ANKRD33: variants seen among roughly 807,000 people sequenced by gnomAD.
ANKRD33 encodes the protein ankyrin repeat domain 33, also known as photoreceptor ankyrin repeat protein.
In ANKRD33, 20 loss-of-function variants were observed where a neutral mutation model predicts 20.6. That is an observed-to-expected ratio of 0.97 (90% CI 0.68 to 1.41). ANKRD33 has a LOEUF of 1.41. Among genes scored for constraint, ANKRD33 ranks in the 40% most tolerant of loss-of-function variants. The probability of loss-of-function intolerance (pLI) is 0.00; values close to 1 mark genes in which losing one functional copy is unlikely to be tolerated. For missense variants in ANKRD33, 545 were observed against 579.6 expected (o/e 0.94, Z 0.61); for synonymous variants, 246 against 245.0 (o/e 1.00, Z -0.04).
chr12:51,891,488 G>C lies in ANKRD33; in HGVS notation c.*183G>C. 2 of 1,071,552 alleles carry C rather than the reference G, an allele frequency of 1.9e-6. No individual in the cohort carries two copies. Among genetic ancestry groups the C allele is most frequent in the Non-Finnish European group, 2.6e-6 (2 of 769,144 alleles). The allele number at this position is 1,071,552 out of a possible 1,614,324, so 66.4% of individuals were successfully genotyped here. A position where few individuals can be genotyped will look rare whatever the true frequency, so the allele number is the denominator to read the frequency against. On this transcript the variant is annotated 3_prime_UTR_variant, in exon 5 of 5. Coordinates refer to ENST00000301190, the MANE Select transcript of ANKRD33 (RefSeq NM_182608.4). Reference sequence around the variant, plus strand: ...CAAGAGTGAAAGAGTGGAAACACCCGAAGTGTCCATCAGTAAGGGACAGGC... The same window carrying C: ...CAAGAGTGAAAGAGTGGAAACACCCCAAGTGTCCATCAGTAAGGGACAGGC...
chr12:51,888,236 T>C lies in ANKRD33; in HGVS notation c.50T>C (p.Val17Ala). ...VTCVASWGGI[V>A]HLEAFGDPVI... ...TGCGTTGCTTCCTGGGGAGGGATAGTCCACCTGGAGGCATTCGGAGACCCA... is the reference window on the plus strand; with the variant it reads ...TGCGTTGCTTCCTGGGGAGGGATAGCCCACCTGGAGGCATTCGGAGACCCA... The change falls in exon 1 of 5, where the codon GTC (valine) becomes GCC (alanine). Residue 17 changes from valine to alanine, a missense_variant. Transcript: ENST00000301190. The C allele has an allele frequency of 3.7e-6, 6 of 1,614,168 alleles. No homozygotes were observed. Among genetic ancestry groups the C allele is most frequent in the Non-Finnish European group, 5.1e-6 (6 of 1,180,016 alleles).
chr12:51,890,040 G>A lies in ANKRD33; in HGVS notation c.638-544G>A, dbSNP rs561568143. On this transcript the variant is annotated intron_variant, in intron 4 of 4. Transcript: ENST00000301190. ...CCCCGCAGTGGGGCTGCCCTCTGCT[G>A]GTCACTCTGGGGGACCCCTGCCTCC... The A allele has an allele frequency of 1.3e-3, 321 of 239,130 alleles. 1 individual carries two copies. Among genetic ancestry groups the A allele is most frequent in the African/African-American group, 4.8e-3 (219 of 45,172 alleles). The allele number at this position is 239,130 out of a possible 1,614,324, so 14.8% of individuals were successfully genotyped here. A position where few individuals can be genotyped will look rare whatever the true frequency, so the allele number is the denominator to read the frequency against.
chr12:51,888,934 G>A (rs777039028), intron 2 of ANKRD33, 116 bp downstream of exon 2: 2 of 1,583,178 alleles, frequency 1.3e-6, no homozygotes, highest in South Asian at 2.3e-5. Flanking sequence ...GTCCTAAGGA[G>A]GAAGGGAATG....
intron 4 of ANKRD33, 140 bp from the exon 5 acceptor site, chr12:51,890,444 C>T (rs769344800): frequency 3.9e-6 from 6 of 1,532,776 alleles, no homozygotes; most frequent in East Asian, 2.4e-5. Context: ...CAACACTGGC[C>T]TCCCTGATTC....
At position 51,888,836 on chromosome 12, in the gene ANKRD33, C is replaced by T; in HGVS notation, c.396+18C>T. ...ATGGGAGGGTGAGATGTCCTGGCTTCCCAGAACAGCTGGGGGCATCTTTGC... is the reference window on the plus strand; with the variant it reads ...ATGGGAGGGTGAGATGTCCTGGCTTTCCAGAACAGCTGGGGGCATCTTTGC... On this transcript the variant is annotated intron_variant, in intron 2 of 4. Transcript: ENST00000301190. 1 of 1,611,270 alleles carries T rather than the reference C, an allele frequency of 6.2e-7. No homozygotes were observed. The highest frequency in any genetic ancestry group is 8.5e-7 in the Non-Finnish European group (1 of 1,179,734).
chr12:51,891,412 A>G lies in ANKRD33; in HGVS notation c.*107A>G. On this transcript the variant is annotated 3_prime_UTR_variant, in exon 5 of 5. Coordinates refer to ENST00000301190, the MANE Select transcript of ANKRD33 (RefSeq NM_182608.4). ...TCCCCATCCACCTCTGCCTAAGTAAATCTGCTCTCAACCTATATATATACA... is the reference window on the plus strand; with the variant it reads ...TCCCCATCCACCTCTGCCTAAGTAAGTCTGCTCTCAACCTATATATATACA... The G allele has an allele frequency of 1.4e-6, 2 of 1,449,186 alleles. No individual in the cohort carries two copies. Among genetic ancestry groups the G allele is most frequent in the Non-Finnish European group, 1.8e-6 (2 of 1,097,272 alleles). The allele number at this position is 1,449,186 out of a possible 1,614,324, so 89.8% of individuals were successfully genotyped here.
Position 51,888,730 on chromosome 12 carries a change from G to C in ANKRD33, c.308G>C (p.Cys103Ser), listed in dbSNP as rs759158427. ...AGGCTGGGGGCCCTGTATTGGGCCT[G>C]TGTCCACAATGATCCCACCCAGCTC... is the stretch of plus-strand genomic sequence containing the variant. ...GCRLGALYWA[C>S]VHNDPTQLQA... Residue 103 changes from cysteine (C) to serine (S), a missense_variant, in exon 2 of 5, where the codon TGT becomes TCT. Physicochemically the swap from Cys to Ser is moderately radical, Grantham distance 112. Coordinates refer to ENST00000301190, the MANE Select transcript of ANKRD33 (RefSeq NM_182608.4). 1 of 1,614,112 alleles carries C rather than the reference G, an allele frequency of 6.2e-7. No individual in the cohort carries two copies. The highest frequency in any genetic ancestry group is 1.1e-5 in the South Asian group (1 of 91,086).
rs779762422 is a variant in ANKRD33, at chr12:51,891,102, T to C, written c.1156T>C (p.Trp386Arg). The C allele has an allele frequency of 2.5e-6, 4 of 1,613,938 alleles. No homozygotes were observed. The highest frequency in any genetic ancestry group is 3.4e-6 in the Non-Finnish European group (4 of 1,180,032). The change falls in exon 5 of 5, where the codon TGG (tryptophan) becomes CGG (arginine). Residue 386 changes from tryptophan (W) to arginine (R), a missense_variant. Physicochemically the swap from Trp to Arg is moderately radical, Grantham distance 101. Coordinates refer to ENST00000301190, the MANE Select transcript of ANKRD33 (RefSeq NM_182608.4). ...GGGCATATTGAGCAAGTGCCTTCAG[T>C]GGCTACAACCCAGGGATAGCACCAG... ...PQGILSKCLQ[W>R]LQPRDSTSPR...
At position 51,889,422 on chromosome 12, in the gene ANKRD33, C is replaced by A; in HGVS notation, c.577C>A (p.Leu193Met). ...LLLNYYVGLD[L>M]ERRDQRGLTA... ...GCTCAACTACTATGTGGGCCTGGAC[C>A]TGGAACGCCGGGACCAGCGGGGGCT... Residue 193 changes from leucine to methionine, a missense_variant, in exon 4 of 5, where the codon CTG becomes ATG. Physicochemically the swap from Leu to Met is conservative, Grantham distance 15 (BLOSUM62 2). Coordinates refer to ENST00000301190, the MANE Select transcript of ANKRD33 (RefSeq NM_182608.4). The A allele has an allele frequency of 6.2e-7, 1 of 1,614,126 alleles. No individual in the cohort carries two copies. Among genetic ancestry groups the A allele is most frequent in the African/African-American group, 1.3e-5 (1 of 75,042 alleles).
At position 51,891,588 on chromosome 12, in the gene ANKRD33, G is replaced by A; in HGVS notation, c.*283G>A. On this transcript the variant is annotated 3_prime_UTR_variant, in exon 5 of 5. Coordinates refer to ENST00000301190, the MANE Select transcript of ANKRD33 (RefSeq NM_182608.4). ...ACAGTGTATTCTAAAATAAGACTAA[G>A]GAAGCTGTTTATATTCTGATATGAA... The A allele has an allele frequency of 2.2e-6, 1 of 456,296 alleles. No homozygotes were observed. Among genetic ancestry groups the A allele is most frequent in the East Asian group, 3.5e-5 (1 of 28,558 alleles). 28.3% of individuals were successfully genotyped at this position (456,296 alleles called of 1,614,324 possible). A position where few individuals can be genotyped will look rare whatever the true frequency, so the allele number is the denominator to read the frequency against.
chr12:51,890,441 G>T (rs1463956851), intron 4 of ANKRD33, 143 bp from the exon 5 acceptor site: 9 of 1,530,428 alleles, frequency 5.9e-6, no homozygotes, highest in African/African-American at 1.4e-5. Context: ...TTGCAACACT[G>T]GCCTCCCTGA....
intron 2 of ANKRD33, 80 bp from the exon 3 acceptor site, chr12:51,888,986 AC>A (rs779010786): frequency 6.3e-7 from 1 of 1,597,920 alleles, no homozygotes; most frequent in South Asian, 1.1e-5. Flanking sequence ...AGGCTCTGGG[AC>A]AGATATGGGT....
At position 51,891,701 on chromosome 12, in the gene ANKRD33, C is replaced by T. The variant is rs11169947; in HGVS notation, c.*396C>T. 0.2 allele frequency: 35,881 copies of T among 178,162 alleles called. 3,974 individuals carry two copies. Among genetic ancestry groups the T allele is most frequent in the Non-Finnish European group, 0.23 (19,711 of 84,130 alleles). 11.0% of individuals were successfully genotyped at this position (178,162 alleles called of 1,614,324 possible). ...ATTATTTGTCGAAGTAAAATTTTCA[C>T]GAAGATAAACATGACTAAGACAAAT... On this transcript the variant is annotated 3_prime_UTR_variant, in exon 5 of 5. Coordinates refer to ENST00000301190, the MANE Select transcript of ANKRD33 (RefSeq NM_182608.4).
Position 51,889,071 on chromosome 12 carries a change from GC to G in ANKRD33, c.403del (p.Leu135SerfsTer24). On this transcript the variant is annotated frameshift_variant, in exon 3 of 5. Transcript: ENST00000301190. ...ATQVDSNGRT[G>X]LMVACYHGFQ... ...TCTGAGCTGCCCCTCCCTCAGACAG[GC>G]CTCATGGTCGCATGCTACCACGGCT... The G allele has an allele frequency of 6.2e-7, 1 of 1,614,154 alleles. No homozygotes were observed. Among genetic ancestry groups the G allele is most frequent in the East Asian group, 2.2e-5 (1 of 44,874 alleles).
At chr12:51,890,558 A>G in intron 4 of ANKRD33, 26 bp from the exon 5 acceptor site, 1 of 1,601,426 alleles carries the variant, frequency 6.2e-7, no homozygotes, top group Non-Finnish European at 8.5e-7. Flanking sequence ...ATCCCGCCCC[A>G]TGTCACCCCC....
Position 51,890,678 on chromosome 12 carries a change from G to T in ANKRD33, c.732G>T (p.Arg244=). 1 of 1,605,568 alleles carries T rather than the reference G, an allele frequency of 6.2e-7. No homozygotes were observed. The highest frequency in any genetic ancestry group is 8.5e-7 in the Non-Finnish European group (1 of 1,179,988). ...GCTTCGACACCGTGTGGAGGATTCG[G>T]CAGCTGCTGAGGCGGCCCCAAGTGG... ...TDSFDTVWRI[R]QLLRRPQVEQ... The change falls in exon 5 of 5, where the codon CGG becomes CGT. Residue 244 remains arginine, a synonymous_variant. Coordinates refer to ENST00000301190, the MANE Select transcript of ANKRD33 (RefSeq NM_182608.4).
rs1445782341 is a variant in ANKRD33 at position 51,888,599 on chromosome 12, T to C, written c.177T>C (p.Leu59=). Residue 59 remains leucine, a synonymous_variant, in exon 2 of 5, where the codon CTT becomes CTC. Transcript: ENST00000301190. The part of the protein sequence containing the change: ...NASCMRKGTH[L]LVPCLEEEEL... The stretch of plus-strand genomic sequence containing the variant: ...GCTGCATGAGAAAAGGGACTCACCT[T>C]CTGGTTCCCTGCCTGGAAGAGGAAG... 6 of 1,565,478 alleles carry C rather than the reference T, an allele frequency of 3.8e-6. No homozygotes were observed. Among genetic ancestry groups the C allele is most frequent in the Non-Finnish European group, 5.2e-6 (6 of 1,157,486 alleles).
chr12:51,889,262 C>A, intron 3 of ANKRD33, 66 bp downstream of exon 3: 2 of 1,611,758 alleles, frequency 1.2e-6, no homozygotes, highest in Non-Finnish European at 1.7e-6. Flanking sequence ...TCAGCCCCAC[C>A]CTTGTTGCAC....
chr12:51,888,944 G>A, intron 2 of ANKRD33, 123 bp from the exon 3 acceptor site: 1 of 1,581,562 alleles, frequency 6.3e-7, no homozygotes, highest in Non-Finnish European at 8.6e-7. Context: ...GGAAGGGAAT[G>A]GTTAAGGGCG....
Sources: gnomAD v4.1 joint callset for allele counts on GRCh38, gnomAD v4.1.1 for gene constraint, MANE v1.5 for transcripts, NCBI Gene and HGNC (gene_info 2026-07-23, HGNC 2026-07-21) for gene names.